The following PRORP variants were observed in gnomAD, a reference collection of about 807,000 sequenced individuals.
The protein encoded by PRORP is mitochondrial ribonuclease P catalytic subunit.
Under a neutral mutation model 59.4 loss-of-function variants are expected in PRORP, and 51 were observed. The ratio of observed to expected loss-of-function variants is 0.86; its 90% CI spans 0.69 to 1.08. The LOEUF (loss-of-function observed/expected upper bound fraction) is 1.08. Ranked by LOEUF, PRORP falls within the 50% of genes least tolerant of loss-of-function variation. The probability of loss-of-function intolerance (pLI) is 0.00; values close to 1 mark genes in which losing one functional copy is unlikely to be tolerated. For synonymous variants in PRORP, 231 were observed against 245.6 expected, an observed-to-expected ratio of 0.94 and a Z score of 0.55; for missense variants, 646 against 690.3, an observed-to-expected ratio of 0.94 and a Z score of 0.72.
At chr14:35,217,305 A>C (rs2049626995) in intron 5 of PRORP, among the ~76,000 whole-genome samples, 1 of 152,130 alleles carries the variant, frequency 6.6e-6, no homozygotes, top group Admixed American at 6.5e-5. Context: ...GTTCTAGACC[A>C]GCCTTGCCAA....
chr14:35,277,475 A>C lies in PRORP; in HGVS notation c.*3909A>C, dbSNP rs967418092. Reference sequence around the variant, plus strand: ...ACCTGCCCAGTCCTGGCCAGTGACAAGCAGTCTGCTTGAGTCTGTGCTAAA... The same window carrying C: ...ACCTGCCCAGTCCTGGCCAGTGACACGCAGTCTGCTTGAGTCTGTGCTAAA... On this transcript the variant is annotated 3_prime_UTR_variant, in exon 8 of 8. Transcript: ENST00000534898. The C allele has an allele frequency of 6.6e-6, 1 of 152,262 alleles. No individual in the cohort carries two copies. The highest frequency in any genetic ancestry group is 2.4e-5 in the African/African-American group (1 of 41,466). The allele number at this position is 152,262 out of a possible 1,614,324, so 9.4% of individuals were successfully genotyped here. A position where few individuals can be genotyped will look rare whatever the true frequency, so the allele number is the denominator to read the frequency against.
In PRORP at chr14:35,127,589, A is replaced by G. The variant is rs1365676439; in HGVS notation, c.1145A>G (p.Gln382Arg). The G allele has an allele frequency of 1.2e-6, 2 of 1,614,080 alleles. No individual in the cohort carries two copies. Among genetic ancestry groups the G allele is most frequent in the East Asian group, 2.2e-5 (1 of 44,866 alleles). Residue 382 changes from glutamine (Q) to arginine (R), a missense_variant, in exon 4 of 8, where the codon CAG (glutamine) becomes CGG (arginine). Transcript: ENST00000534898. ...AGGGATGTGATAGATGGAGGTGACC[A>G]GTACAGAAAGACAACACCTCAGGTG... ...IMRDVIDGGD[Q>R]YRKTTPQELK...
intron 4 of PRORP, among the ~76,000 whole-genome samples, chr14:35,130,277 C>T (rs2047206491): frequency 1.3e-5 from 2 of 152,014 alleles, no homozygotes; most frequent in Admixed American, 1.3e-4. Flanking sequence ...CATGATTTGC[C>T]CGCCTCGGCC....
chr14:35,201,475 G>T (rs897452778), intron 5 of PRORP, among the ~76,000 whole-genome samples: 5 of 152,006 alleles, frequency 3.3e-5, no homozygotes, highest in Non-Finnish European at 7.4e-5. Context: ...TAGTACTTTG[G>T]GTTATAATCT....
In PRORP at chr14:35,276,459, T is replaced by A. The variant is rs2051295394; in HGVS notation, c.*2893T>A. ...ACTGTTTAGAAACAAAACCCTAACT[T>A]CTGCTTGAGATAAACTGAAGTGCAT... On this transcript the variant is annotated 3_prime_UTR_variant, in exon 8 of 8. Transcript: ENST00000534898. 1 of 151,848 alleles carries A rather than the reference T, an allele frequency of 6.6e-6. No homozygotes were observed. Among genetic ancestry groups the A allele is most frequent in the Non-Finnish European group, 1.5e-5 (1 of 68,040 alleles). 9.4% of individuals were successfully genotyped at this position (151,848 alleles called of 1,614,324 possible). A position where few individuals can be genotyped will look rare whatever the true frequency, so the allele number is the denominator to read the frequency against.
intron 4 of PRORP, among the ~76,000 whole-genome samples, chr14:35,139,215 C>A (rs1434186163): frequency 6.9e-6 from 1 of 145,888 alleles, no homozygotes; most frequent in Non-Finnish European, 1.5e-5. Context: ...CCTTGGCCTC[C>A]TAAGGTTCTG....
At chr14:35,164,871 T>C (rs2048145298) in intron 4 of PRORP, among the ~76,000 whole-genome samples, 1 of 152,126 alleles carries the variant, frequency 6.6e-6, no homozygotes, top group Admixed American at 6.5e-5. Context: ...GTGGGAGTGA[T>C]GTATCTCCTT....
At chr14:35,150,131 C>T (rs1487314765) in intron 4 of PRORP, among the ~76,000 whole-genome samples, 1 of 152,250 alleles carries the variant, frequency 6.6e-6, no homozygotes, top group East Asian at 1.9e-4. Context: ...CAGGCGTGAG[C>T]CACCATGCCC....
intron 6 of PRORP, among the ~76,000 whole-genome samples, chr14:35,268,361 A>C (rs1176367105): frequency 2.6e-5 from 4 of 151,428 alleles, no homozygotes; most frequent in East Asian, 1.9e-4. Flanking sequence ...AAAAAAAAAA[A>C]AACAACCCAC....
chr14:35,263,076 T>C (rs2050946085), intron 5 of PRORP: 3 of 1,364,268 alleles, frequency 2.2e-6, no homozygotes, highest in South Asian at 1.2e-5. Flanking sequence ...AGATGCCGGA[T>C]GATTCCTAAG....
intron 5 of PRORP, among the ~76,000 whole-genome samples, chr14:35,219,539 A>G (rs530633428): frequency 2.0e-5 from 3 of 152,310 alleles, no homozygotes; most frequent in South Asian, 2.1e-4. Flanking sequence ...TGGCCACTCA[A>G]AAAGCATACC....
intron 4 of PRORP, among the ~76,000 whole-genome samples, chr14:35,151,232 A>G (rs78620462): frequency 1.3e-5 from 2 of 152,090 alleles, no homozygotes; most frequent in African/African-American, 2.4e-5. Context: ...TTCTATAGCT[A>G]TTGCTTAAAT....
At chr14:35,147,644 T>A (rs1374794160) in intron 4 of PRORP, among the ~76,000 whole-genome samples, 1 of 152,218 alleles carries the variant, frequency 6.6e-6, no homozygotes, top group East Asian at 1.9e-4. Flanking sequence ...TGTGTGGCAA[T>A]TTCTTAAAAT....
chr14:35,122,300 C>T (rs1197417630), upstream of PRORP: 2 of 299,632 alleles, frequency 6.7e-6, no homozygotes, highest in South Asian at 9.1e-5. Context: ...CCACGTGACC[C>T]AGGAGTTCAT....
chr14:35,132,784 CAAAAA>C (rs142694889), intron 4 of PRORP, among the ~76,000 whole-genome samples: 2 of 72,630 alleles, frequency 2.8e-5, no homozygotes, highest in African/African-American at 9.1e-5. Context: ...GAGACTCCAT[CAAAAA>C]AAAAAAAAAA....
intron 5 of PRORP, among the ~76,000 whole-genome samples, chr14:35,240,394 C>A (rs939045505): frequency 6.7e-6 from 1 of 148,692 alleles, no homozygotes; most frequent in African/African-American, 2.5e-5. Context: ...TGCACACATG[C>A]AGGTAGTTAC....
chr14:35,190,680 A>G (rs1418685202), intron 5 of PRORP, among the ~76,000 whole-genome samples: 1 of 151,704 alleles, frequency 6.6e-6, no homozygotes, highest in Non-Finnish European at 1.5e-5. Context: ...TAATTTATGT[A>G]TTTTTAGTAG....
At chr14:35,129,062 G>A (rs2047168333) in intron 4 of PRORP, among the ~76,000 whole-genome samples, 1 of 149,524 alleles carries the variant, frequency 6.7e-6, no homozygotes, top group Non-Finnish European at 1.5e-5. Flanking sequence ...AAAAAAATTA[G>A]CTGGGCATGG....
chr14:35,185,514 A>G (rs1311241471), intron 5 of PRORP, among the ~76,000 whole-genome samples: 1 of 152,236 alleles, frequency 6.6e-6, no homozygotes, highest in Non-Finnish European at 1.5e-5. Context: ...AGAGGTTGTT[A>G]TGACTGATTT....
Sources: gnomAD v4.1 joint callset for allele counts (sites outside exome capture counted in the v4.1 genomes callset) on GRCh38, gnomAD v4.1.1 for gene constraint, MANE v1.5 for transcripts, NCBI Gene and HGNC (gene_info 2026-07-23, HGNC 2026-07-21) for gene names.